Variants in EEPD1 observed in about 807,000 individuals in gnomAD.
The protein encoded by EEPD1 is endonuclease/exonuclease/phosphatase family domain containing 1, also known as endonuclease/exonuclease/phosphatase family domain-containing protein 1.
A neutral mutation model predicts 46.3 loss-of-function variants in EEPD1; 17 were observed. The observed-to-expected ratio is 0.37, with a 90% confidence interval of 0.25 to 0.55. EEPD1 has a LOEUF of 0.55. Ranked by LOEUF, EEPD1 falls within the 20% of genes least tolerant of loss-of-function variation. The pLI is 0.83. For synonymous variants in EEPD1, 313 were observed against 315.6 expected (o/e 0.99, Z 0.09); for missense variants, 673 against 745.6 (o/e 0.90, Z 1.13).
rs117817472 is a variant in EEPD1 at position 36,185,217 on chromosome 7, G to A, written c.878+30015G>A. 5.6e-3 allele frequency among the ~76,000 whole-genome samples: 860 copies of A among 152,292 alleles called. 6 individuals carry two copies. The highest frequency in any genetic ancestry group is 0.012 in the South Asian group (58 of 4,820). On this transcript the variant is annotated intron_variant, in intron 2 of 7. Coordinates refer to ENST00000242108, the MANE Select transcript of EEPD1 (RefSeq NM_030636.3). ...GTCTGTATCCTTGAACAGAGGCATC[G>A]TTGCACTTCTCATAAATGGAATAGC...
At position 36,262,126 on chromosome 7, in the gene EEPD1, G is replaced by A. The variant is rs138273959; in HGVS notation, c.931-18989G>A. Among the ~76,000 whole-genome samples, 890 of 152,126 alleles carry A rather than the reference G, an allele frequency of 5.9e-3. 4 individuals carry two copies. The highest frequency in any genetic ancestry group is 0.014 in the South Asian group (68 of 4,824). ...CTCTGCTGCTGCTCTATTCTTTCCC[G>A]TGCCCTAAGGCCTGCCCTACCTAAC... On this transcript the variant is annotated intron_variant, in intron 3 of 7. Coordinates refer to ENST00000242108, the MANE Select transcript of EEPD1 (RefSeq NM_030636.3).
intron 3 of EEPD1, among the ~76,000 whole-genome samples, chr7:36,260,271 G>T (rs746130563): frequency 3.9e-5 from 6 of 152,302 alleles, no homozygotes; most frequent in African/African-American, 1.2e-4. Context: ...CTCAGTTTTT[G>T]TATGGGAATG....
intron 6 of EEPD1, among the ~76,000 whole-genome samples, chr7:36,292,568 A>G (rs1272462286): frequency 6.6e-6 from 1 of 150,826 alleles, no homozygotes; most frequent in Non-Finnish European, 1.5e-5. Context: ...AGTGCAGTGG[A>G]GCCATGTTGG....
chr7:36,280,470 G>A (rs1280456951), intron 3 of EEPD1, among the ~76,000 whole-genome samples: 2 of 152,228 alleles, frequency 1.3e-5, no homozygotes, highest in South Asian at 2.1e-4. Flanking sequence ...TCCATATTTT[G>A]AAGTGGATAG....
intron 3 of EEPD1, among the ~76,000 whole-genome samples, chr7:36,240,783 A>G (rs1562698742): frequency 6.6e-6 from 1 of 152,152 alleles, no homozygotes; most frequent in Non-Finnish European, 1.5e-5. Flanking sequence ...CCTGGAAGAA[A>G]ATTTTTCCGC....
In EEPD1 at chr7:36,268,191, G is replaced by A. The variant is rs543034722; in HGVS notation, c.931-12924G>A. On this transcript the variant is annotated intron_variant, in intron 3 of 7. Transcript: ENST00000242108. ...TTTTGAGACGGAGCCTTGCTCTGTC[G>A]CCCAGGCTGGAGTGCAGTGGTGTGA... Among the ~76,000 whole-genome samples the A allele has an allele frequency of 6.6e-5, 10 of 152,170 alleles. No individual in the cohort carries two copies. In the South Asian group the frequency reaches 1.0e-3, roughly 16 times the overall value.
intron 2 of EEPD1, among the ~76,000 whole-genome samples, chr7:36,197,495 T>A (rs1448878964): frequency 6.6e-6 from 1 of 152,210 alleles, no homozygotes; most frequent in African/African-American, 2.4e-5. Flanking sequence ...GGGAAAAGAT[T>A]GAGAAATTGG....
chr7:36,298,575 AC>A (rs1467231401), intron 7 of EEPD1, among the ~76,000 whole-genome samples: 1 of 151,800 alleles, frequency 6.6e-6, no homozygotes, highest in African/African-American at 2.4e-5. Context: ...TTTCTTTTTT[AC>A]CCTTTGTGTA....
At chr7:36,281,066 C>A in intron 3 of EEPD1, 49 bp from the exon 4 acceptor site, 2 of 1,557,366 alleles carry the variant, frequency 1.3e-6, no homozygotes, top group Non-Finnish European at 1.8e-6. Flanking sequence ...CCAGCCGGGA[C>A]TGCTTTAGGC....
At chr7:36,278,092 T>C (rs929857215) in intron 3 of EEPD1, among the ~76,000 whole-genome samples, 1 of 152,150 alleles carries the variant, frequency 6.6e-6, no homozygotes, top group Non-Finnish European at 1.5e-5. Context: ...TGAGAATCTT[T>C]AGTTAAGTAG....
At chr7:36,246,684 G>A (rs1403402168) in intron 3 of EEPD1, among the ~76,000 whole-genome samples, 1 of 152,056 alleles carries the variant, frequency 6.6e-6, no homozygotes, top group Non-Finnish European at 1.5e-5. Flanking sequence ...CCTCCCTGCT[G>A]ATAGGTGTTT....
At chr7:36,233,275 C>T (rs1216100107) in intron 2 of EEPD1, among the ~76,000 whole-genome samples, 2 of 152,220 alleles carry the variant, frequency 1.3e-5, no homozygotes, top group African/African-American at 2.4e-5. Context: ...TCATGAATGA[C>T]AGTCAGTTAC....
In EEPD1 at chr7:36,239,035, A is replaced by G; in HGVS notation, c.929A>G (p.Lys310Arg). 1 of 1,611,346 alleles carries G rather than the reference A, an allele frequency of 6.2e-7. No homozygotes were observed. The highest frequency in any genetic ancestry group is 8.5e-7 in the Non-Finnish European group (1 of 1,179,430). The change falls in exon 3 of 8, where the codon AAG becomes AGG. Residue 310 changes from lysine to arginine, a missense_variant and splice_region_variant. Transcript: ENST00000242108. ...CTGCTTGACAGAGAGGCCTTGGAAAAGGTAAATATTTTACTCTTCCTTCCA... is the reference window on the plus strand; with the variant it reads ...CTGCTTGACAGAGAGGCCTTGGAAAGGGTAAATATTTTACTCTTCCTTCCA... ...QELLDREALE[K>R]FCTELNQPTL...
Position 36,284,809 on chromosome 7 carries a change from G to C in EEPD1, c.1165G>C (p.Gly389Arg). 2 of 1,538,710 alleles carry C rather than the reference G, an allele frequency of 1.3e-6. No individual in the cohort carries two copies. Among genetic ancestry groups the C allele is most frequent in the Non-Finnish European group, 1.8e-6 (2 of 1,141,656 alleles). The change falls in exon 5 of 8, where the codon GGG becomes CGG. Residue 389 changes from glycine to arginine, a missense_variant. Gly to Arg is a moderately radical substitution (Grantham distance 125, BLOSUM62 -2). Coordinates refer to ENST00000242108, the MANE Select transcript of EEPD1 (RefSeq NM_030636.3). Reference sequence around the variant, plus strand: ...GCTGGCGGGCCCCAGCCCATACCTCGGGAGGTTCAAGGTACCCGCTCCACG... The same window carrying C: ...GCTGGCGGGCCCCAGCCCATACCTCCGGAGGTTCAAGGTACCCGCTCCACG... ...GKLAGPSPYL[G>R]RFKVGSHDLT...
intron 3 of EEPD1, among the ~76,000 whole-genome samples, chr7:36,277,133 GCC>G (rs1189376021): frequency 6.6e-6 from 1 of 152,252 alleles, no homozygotes; most frequent in Non-Finnish European, 1.5e-5. Flanking sequence ...GGAGAAAGGA[GCC>G]AAAGATTCAG....
intron 2 of EEPD1, among the ~76,000 whole-genome samples, chr7:36,235,107 T>TC (rs536728944): frequency 0.014 from 442 of 31,222 alleles, 11 homozygotes; most frequent in African/African-American, 0.054. Flanking sequence ...GCCCAGGCCT[T>TC]CCCCACAGCC....
rs934190970 is a variant in EEPD1 at position 36,299,642 on chromosome 7, T to C, written c.*436T>C. 5 of 179,410 alleles carry C rather than the reference T, an allele frequency of 2.8e-5. No homozygotes were observed. 11.1% of individuals were successfully genotyped at this position (179,410 alleles called of 1,614,324 possible). On this transcript the variant is annotated 3_prime_UTR_variant, in exon 8 of 8. Transcript: ENST00000242108. ...TTCCTGCTGCGCATTACAGAAAGCT[T>C]TTAACTGTGATCAGGCACTCTGCTC... is the stretch of plus-strand genomic sequence containing the variant.
intron 2 of EEPD1, among the ~76,000 whole-genome samples, chr7:36,197,154 A>G (rs1285993295): frequency 2.0e-3 from 288 of 142,996 alleles, no homozygotes; most frequent in Non-Finnish European, 3.1e-3. Context: ...CCGTCTGAGA[A>G]GTGAGGAGCC....
intron 2 of EEPD1, among the ~76,000 whole-genome samples, chr7:36,162,673 A>G (rs908962434): frequency 6.6e-6 from 1 of 152,014 alleles, no homozygotes; most frequent in African/African-American, 2.4e-5. Flanking sequence ...AAAAAAGAAA[A>G]ACCTGGATTT....
Sources: gnomAD v4.1 joint callset for allele counts (sites outside exome capture counted in the v4.1 genomes callset) on GRCh38, gnomAD v4.1.1 for gene constraint, MANE v1.5 for transcripts, NCBI Gene and HGNC (gene_info 2026-07-23, HGNC 2026-07-21) for gene names.